NALF1: variants seen among roughly 807,000 people sequenced by gnomAD.
NALF1 encodes the protein family with sequence similarity 155 member A.
Under a neutral mutation model 48.4 loss-of-function variants are expected in NALF1, and 3 were observed. The ratio of observed to expected loss-of-function variants is 0.06; its 90% CI spans 0.03 to 0.16. The LOEUF (loss-of-function observed/expected upper bound fraction) is 0.16, where lower values mean the gene tolerates loss of function less well. NALF1 is among the 10% of genes least tolerant of loss of function. The pLI is 1.00. For missense variants in NALF1, 526 were observed against 571.5 expected (o/e 0.92, Z 0.81); for synonymous variants, 262 against 245.7 (o/e 1.07, Z -0.62).
intron 1 of NALF1, among the ~76,000 whole-genome samples, chr13:107,511,753 G>A (rs1354797644): frequency 2.0e-5 from 3 of 152,052 alleles, no homozygotes; most frequent in Non-Finnish European, 4.4e-5. Context: ...TATCTACTCA[G>A]AATATTGATG....
intron 1 of NALF1, among the ~76,000 whole-genome samples, chr13:107,374,105 TTTATAA>T (rs1480812320): frequency 2.0e-5 from 3 of 152,230 alleles, no homozygotes; most frequent in Non-Finnish European, 1.5e-5. Flanking sequence ...TCCATGTTAT[TTTATAA>T]TTATAAAGGA....
chr13:107,613,640 T>A (rs1879300352), intron 1 of NALF1, among the ~76,000 whole-genome samples: 1 of 152,228 alleles, frequency 6.6e-6, no homozygotes. Context: ...GAAAAACAAA[T>A]CACTACTTTA....
At chr13:107,857,354 G>C (rs1211947609) in intron 1 of NALF1, among the ~76,000 whole-genome samples, 2 of 152,214 alleles carry the variant, frequency 1.3e-5, no homozygotes, top group Non-Finnish European at 2.9e-5. Flanking sequence ...CTAGGGTGCA[G>C]GACAAAGTTC....
At chr13:107,676,160 A>G (rs1489019627) in intron 1 of NALF1, among the ~76,000 whole-genome samples, 1 of 152,220 alleles carries the variant, frequency 6.6e-6, no homozygotes, top group Non-Finnish European at 1.5e-5. Flanking sequence ...CCTTGAAAAG[A>G]GTATAATCAA....
intron 1 of NALF1, among the ~76,000 whole-genome samples, chr13:107,334,630 T>A (rs1882523766): frequency 6.6e-6 from 1 of 152,208 alleles, no homozygotes; most frequent in Admixed American, 6.5e-5. Context: ...TTGGTAGAAA[T>A]GGAGTCTCTA....
chr13:107,439,527 T>G (rs1884522389), intron 1 of NALF1, among the ~76,000 whole-genome samples: 1 of 152,168 alleles, frequency 6.6e-6, no homozygotes, highest in Non-Finnish European at 1.5e-5. Context: ...TGCCCTTGGG[T>G]TGTGGTTTTA....
In NALF1 at chr13:107,609,926, T is replaced by C. The variant is rs534189180; in HGVS notation, c.915+255756A>G. Among the ~76,000 whole-genome samples, 26 of 151,780 alleles carry C rather than the reference T, an allele frequency of 1.7e-4. 1 individual carries two copies. The highest frequency in any genetic ancestry group is 5.8e-4 in the African/African-American group (24 of 41,380). ...AATCAAAATTTTAAAAGGGGAAAAA[T>C]AGAAAAACAAATGACAGGAGGAAAC... is the stretch of plus-strand genomic sequence containing the variant. On this transcript the variant is annotated intron_variant, in intron 1 of 2. Coordinates refer to ENST00000375915, the MANE Select transcript of NALF1 (RefSeq NM_001080396.3).
chr13:107,846,683 A>ATCT lies in NALF1; in HGVS notation c.915+18996_915+18998dup, dbSNP rs1338408906. 2.0e-5 allele frequency among the ~76,000 whole-genome samples: 3 copies of ATCT among 152,204 alleles called. No individual in the cohort carries two copies. The East Asian group carries it at 5.8e-4, about 29-fold the overall frequency. ...TTCCAGAGTTGGTGAAAAGAAATAAATCTGCTAGTAGGGTCAGAATAGCTG... is the reference window on the plus strand; with the variant it reads ...TTCCAGAGTTGGTGAAAAGAAATAAATCTTCTGCTAGTAGGGTCAGAATAGCTG... On this transcript the variant is annotated intron_variant, in intron 1 of 2. Coordinates refer to ENST00000375915, the MANE Select transcript of NALF1 (RefSeq NM_001080396.3).
intron 1 of NALF1, among the ~76,000 whole-genome samples, chr13:107,470,556 T>A (rs1459828808): frequency 1.3e-5 from 2 of 152,188 alleles, no homozygotes. Flanking sequence ...AAAGCTGTCC[T>A]TCAGAAATAG....
intron 1 of NALF1, among the ~76,000 whole-genome samples, chr13:107,596,493 A>G (rs1401270786): frequency 6.6e-6 from 1 of 152,224 alleles, no homozygotes; most frequent in East Asian, 1.9e-4. Flanking sequence ...ATGTAGCCAC[A>G]AAAATGTATG....
At chr13:107,767,820 G>A (rs1877457171) in intron 1 of NALF1, among the ~76,000 whole-genome samples, 1 of 152,058 alleles carries the variant, frequency 6.6e-6, no homozygotes, top group Non-Finnish European at 1.5e-5. Context: ...CCCTGCTCTA[G>A]CATATACTTC....
At chr13:107,528,611 G>T (rs1876521171) in intron 1 of NALF1, among the ~76,000 whole-genome samples, 1 of 152,158 alleles carries the variant, frequency 6.6e-6, no homozygotes, top group Admixed American at 6.6e-5. Context: ...ATAAAGGCCT[G>T]TTCTCCAGGT....
At chr13:107,740,730 C>T (rs908517540) in intron 1 of NALF1, among the ~76,000 whole-genome samples, 4 of 152,200 alleles carry the variant, frequency 2.6e-5, no homozygotes, top group Non-Finnish European at 5.9e-5. Context: ...GCATCATTTT[C>T]CATGCTTCAC....
chr13:107,643,208 C>G (rs1306392994), intron 1 of NALF1, among the ~76,000 whole-genome samples: 6 of 152,146 alleles, frequency 3.9e-5, no homozygotes, highest in African/African-American at 9.7e-5. Flanking sequence ...TGATTGTACT[C>G]AAGAACACAG....
intron 1 of NALF1, among the ~76,000 whole-genome samples, chr13:107,643,542 T>TG (rs34793504): frequency 0.24 from 31,020 of 127,540 alleles, 3,450 homozygotes; most frequent in Non-Finnish European, 0.29. Flanking sequence ...GTGTATTTGG[T>TG]GGGGGGGGGG....
chr13:107,223,301 A>T (rs1177867215), intron 1 of NALF1, among the ~76,000 whole-genome samples: 6 of 152,194 alleles, frequency 3.9e-5, no homozygotes, highest in Non-Finnish European at 8.8e-5. Context: ...AGAAAGTCAG[A>T]GCATCTGTTG....
At chr13:107,624,078 T>C (rs1419234314) in intron 1 of NALF1, among the ~76,000 whole-genome samples, 3 of 152,186 alleles carry the variant, frequency 2.0e-5, no homozygotes, top group Non-Finnish European at 4.4e-5. Context: ...TGGAATATTA[T>C]GGCACTAGCT....
At chr13:107,799,347 G>C (rs982824630) in intron 1 of NALF1, among the ~76,000 whole-genome samples, 12 of 152,162 alleles carry the variant, frequency 7.9e-5, no homozygotes, top group African/African-American at 2.9e-4. Flanking sequence ...TTGCAGGTAC[G>C]GAGATGAAAG....
At chr13:107,566,165 A>G (rs2138397500) in intron 1 of NALF1, among the ~76,000 whole-genome samples, 1 of 152,300 alleles carries the variant, frequency 6.6e-6, no homozygotes, top group East Asian at 1.9e-4. Context: ...CCACAATGAT[A>G]GGGAGGCTTT....
Sources: gnomAD v4.1 joint callset for allele counts (sites outside exome capture counted in the v4.1 genomes callset) on GRCh38, gnomAD v4.1.1 for gene constraint, MANE v1.5 for transcripts, NCBI Gene and HGNC (gene_info 2026-07-23, HGNC 2026-07-21) for gene names.